AFF3: variants seen among roughly 807,000 people sequenced by gnomAD.
The protein encoded by AFF3 is ALF transcription elongation factor 3, also known as AF4/FMR2 family member 3.
AFF3 carries 32 observed loss-of-function variants against 129.7 expected under a neutral mutation model. That is an observed-to-expected ratio of 0.25 (90% confidence interval 0.19 to 0.33). AFF3 has a LOEUF of 0.33. AFF3 is among the 10% of genes least tolerant of loss of function. AFF3 has a pLI of 1.00. For missense variants in AFF3, 1,373 were observed against 1,592.0 expected (o/e 0.86, Z 2.34); for synonymous variants, 644 against 635.4 (o/e 1.01, Z -0.20).
At chr2:99,954,967 A>G (rs1342014355) in intron 7 of AFF3, among the ~76,000 whole-genome samples, 1 of 151,990 alleles carries the variant, frequency 6.6e-6, no homozygotes, top group Non-Finnish European at 1.5e-5. Flanking sequence ...GGACTTTGGA[A>G]ACTACAAAAA....
At chr2:99,701,044 A>T (rs748352132) in intron 11 of AFF3, among the ~76,000 whole-genome samples, 13 of 152,238 alleles carry the variant, frequency 8.5e-5, no homozygotes, top group Non-Finnish European at 1.9e-4. Context: ...CAGCATGTCC[A>T]GGACCAGAGT....
At chr2:99,915,879 C>CA (rs1558972259) in intron 7 of AFF3, among the ~76,000 whole-genome samples, 1 of 151,950 alleles carries the variant, frequency 6.6e-6, no homozygotes, top group Non-Finnish European at 1.5e-5. Flanking sequence ...GGGATTCCTG[C>CA]AAAAAATATA....
At chr2:99,794,699 C>T (rs1685439414) in intron 8 of AFF3, among the ~76,000 whole-genome samples, 1 of 152,090 alleles carries the variant, frequency 6.6e-6, no homozygotes, top group African/African-American at 2.4e-5. Flanking sequence ...TTTTCATAGT[C>T]TATTTTCCCT....
intron 7 of AFF3, among the ~76,000 whole-genome samples, chr2:99,913,340 T>C (rs1316630478): frequency 6.6e-6 from 1 of 152,190 alleles, no homozygotes; most frequent in African/African-American, 2.4e-5. Flanking sequence ...AGTTTTCTTA[T>C]AGTCAGAGAA....
At chr2:100,003,231 C>A (rs1341209315) in intron 7 of AFF3, among the ~76,000 whole-genome samples, 1 of 152,136 alleles carries the variant, frequency 6.6e-6, no homozygotes, top group East Asian at 1.9e-4. Flanking sequence ...TTTGAGGTCC[C>A]ACAAAACTGT....
chr2:99,633,418 G>A lies in AFF3; in HGVS notation c.1184+16208C>T, dbSNP rs1683315119. Among the ~76,000 whole-genome samples, 3 of 152,144 alleles carry A rather than the reference G, an allele frequency of 2.0e-5. No individual in the cohort carries two copies. In the South Asian group the frequency reaches 6.2e-4, roughly 32 times the overall value. ...GTGTTTAAGCTGTAGCCTAACGTAT[G>A]GGTAGAAGGTGGCCAGGTAAGCTGG... is the stretch of plus-strand genomic sequence containing the variant. On this transcript the variant is annotated intron_variant, in intron 13 of 24. Coordinates refer to ENST00000672756, the MANE Select transcript of AFF3 (RefSeq NM_001386135.1).
rs1258497654 is a variant in AFF3 at position 100,007,304 on chromosome 2, G to T, written c.331C>A (p.His111Asn). ...PQTPVNKIDE[H>N]FVADSRAQNQ... ...TGGGCTCTTGAATCTGCAACAAAAT[G>T]TTCATCGATCTTGTTCACAGGAGTC... Residue 111 changes from histidine (H) to asparagine (N), a missense_variant, in exon 6 of 25, where the codon CAT becomes AAT. This residue lies in a region of AFF3 where 255 missense variants were observed against 256.0 expected (regional missense o/e 1.00). Coordinates refer to ENST00000672756, the MANE Select transcript of AFF3 (RefSeq NM_001386135.1). 1 of 1,614,102 alleles carries T rather than the reference G, an allele frequency of 6.2e-7. No homozygotes were observed. The highest frequency in any genetic ancestry group is 1.7e-5 in the Admixed American group (1 of 60,010).
intron 1 of AFF3, among the ~76,000 whole-genome samples, chr2:100,139,700 A>G (rs1375822521): frequency 2.0e-5 from 3 of 152,218 alleles, no homozygotes; most frequent in African/African-American, 4.8e-5. Flanking sequence ...ATGAAGAATA[A>G]TGTTTTTAGT....
rs181488291 is a variant in AFF3, at chr2:99,763,525, G to A, written c.922-11224C>T. On this transcript the variant is annotated intron_variant, in intron 8 of 24. Transcript: ENST00000672756. ...ATTGCACCACTGCACTCCAGCCGGGGTGACAGAGGGAGACCCTGTCTTTAA... is the reference window on the plus strand; with the variant it reads ...ATTGCACCACTGCACTCCAGCCGGGATGACAGAGGGAGACCCTGTCTTTAA... 1.4e-3 allele frequency among the ~76,000 whole-genome samples: 214 copies of A among 152,030 alleles called. 1 individual carries two copies. Among genetic ancestry groups the A allele is most frequent in the African/African-American group, 4.7e-3 (195 of 41,336 alleles).
chr2:99,983,772 A>C (rs1679612778), intron 7 of AFF3, among the ~76,000 whole-genome samples: 1 of 152,230 alleles, frequency 6.6e-6, no homozygotes, highest in South Asian at 2.1e-4. Flanking sequence ...CAAAAGAAGA[A>C]AGAGGATAAT....
chr2:99,588,931 C>T (rs117886655), intron 15 of AFF3, among the ~76,000 whole-genome samples: 2,159 of 152,286 alleles, frequency 0.014, 28 homozygotes, highest in East Asian at 0.047. Context: ...TTTATGAGTA[C>T]AGCCAGGTGT....
At chr2:99,823,173 G>A (rs1350292293) in intron 8 of AFF3, among the ~76,000 whole-genome samples, 2 of 152,094 alleles carry the variant, frequency 1.3e-5, no homozygotes, top group African/African-American at 4.8e-5. Context: ...GTAGGTTTTG[G>A]GAAGTTGATC....
At chr2:99,973,240 G>C (rs1409937893) in intron 7 of AFF3, among the ~76,000 whole-genome samples, 1 of 152,038 alleles carries the variant, frequency 6.6e-6, no homozygotes, top group Admixed American at 6.6e-5. Flanking sequence ...TCTGGTCTAC[G>C]CCTCCTTATC....
chr2:99,830,479 C>T (rs1404865030), intron 8 of AFF3, among the ~76,000 whole-genome samples: 1 of 152,136 alleles, frequency 6.6e-6, no homozygotes, highest in Non-Finnish European at 1.5e-5. Context: ...GGGCCAGGCC[C>T]GGTGGCTCAT....
At chr2:99,684,272 T>C (rs1258559197) in intron 11 of AFF3, among the ~76,000 whole-genome samples, 1 of 152,240 alleles carries the variant, frequency 6.6e-6, no homozygotes, top group African/African-American at 2.4e-5. Context: ...TTAACAACCT[T>C]ATCCTACGCT....
chr2:99,936,167 A>T (rs563019687), intron 7 of AFF3, among the ~76,000 whole-genome samples: 1 of 152,168 alleles, frequency 6.6e-6, no homozygotes, highest in Non-Finnish European at 1.5e-5. Context: ...GGTATTTACG[A>T]GCTGGGTATG....
intron 8 of AFF3, among the ~76,000 whole-genome samples, chr2:99,831,445 G>A (rs1688512316): frequency 6.6e-6 from 1 of 152,146 alleles, no homozygotes; most frequent in Admixed American, 6.5e-5. Flanking sequence ...GGCTAGTACT[G>A]AACACTAGCA....
intron 11 of AFF3, among the ~76,000 whole-genome samples, chr2:99,695,948 A>G (rs1676203690): frequency 7.3e-6 from 1 of 137,870 alleles, no homozygotes; most frequent in Admixed American, 7.5e-5. Context: ...GAAAAAAAAA[A>G]AAAAAAAAAA....
intron 7 of AFF3, among the ~76,000 whole-genome samples, chr2:99,948,967 G>T (rs527331346): frequency 6.6e-6 from 1 of 152,186 alleles, no homozygotes; most frequent in East Asian, 1.9e-4. Flanking sequence ...CATAACAGAG[G>T]GCCTTGTTTA....
Sources: gnomAD v4.1 joint callset for allele counts (sites outside exome capture counted in the v4.1 genomes callset) on GRCh38, gnomAD v4.1.1 for gene constraint, gnomAD v4.1.1 regional missense constraint, MANE v1.5 for transcripts, NCBI Gene and HGNC (gene_info 2026-07-23, HGNC 2026-07-21) for gene names.